RGS22: variants seen among roughly 807,000 people sequenced by gnomAD.
The protein encoded by RGS22 is regulator of G-protein signaling 22.
In RGS22, 148 loss-of-function variants were observed where a neutral mutation model predicts 172.9. The ratio of observed to expected loss-of-function variants is 0.86; its 90% CI spans 0.75 to 0.98. The LOEUF (loss-of-function observed/expected upper bound fraction) is 0.98. Among genes scored for constraint, RGS22 ranks in the 50% least tolerant of loss-of-function variants. RGS22 has a pLI of 0.00. For synonymous variants in RGS22, 458 were observed against 480.2 expected (o/e 0.95, Z 0.60); for missense variants, 1,347 against 1,440.8 (o/e 0.93, Z 1.05).
At chr8:100,096,113 C>T (rs528091345) in intron 2 of RGS22, among the ~76,000 whole-genome samples, 3 of 152,316 alleles carry the variant, frequency 2.0e-5, no homozygotes, top group Admixed American at 1.3e-4. Flanking sequence ...ACACCACAAA[C>T]CCTTTAATTA....
rs896968016 is a variant in RGS22 at position 100,053,325 on chromosome 8, G to T, written c.1515-349C>A. On this transcript the variant is annotated intron_variant, in intron 9 of 27. Transcript: ENST00000360863. ...TAACCCCAGCTACTCAGGGGGGTGA[G>T]GCAGGAGATTTGCTTGAACCCAGAA... 1.3e-5 allele frequency among the ~76,000 whole-genome samples: 2 copies of T among 152,020 alleles called. 1 individual carries two copies. The highest frequency in any genetic ancestry group is 2.9e-5 in the Non-Finnish European group (2 of 68,016).
At chr8:100,081,030 G>A (rs538058314) in intron 3 of RGS22, among the ~76,000 whole-genome samples, 3 of 152,020 alleles carry the variant, frequency 2.0e-5, no homozygotes, top group Non-Finnish European at 4.4e-5. Flanking sequence ...ACATTTTTGG[G>A]GCCTCCACTT....
chr8:100,066,128 A>G, intron 7 of RGS22, 39 bp downstream of exon 7: 1 of 1,587,920 alleles, frequency 6.3e-7, no homozygotes, highest in Non-Finnish European at 8.6e-7. Flanking sequence ...AAAAACTTAA[A>G]GAGAAGTTCT....
At position 99,961,147 on chromosome 8, in the gene RGS22, A is replaced by C; in HGVS notation, c.*95T>G. ...TTGCTCTGATACAGACCTTCAAAAAAACAAATCACTGGAGCTTCTCATGTC... is the reference window on the plus strand; with the variant it reads ...TTGCTCTGATACAGACCTTCAAAAACACAAATCACTGGAGCTTCTCATGTC... On this transcript the variant is annotated 3_prime_UTR_variant, in exon 28 of 28. Coordinates refer to ENST00000360863, the MANE Select transcript of RGS22 (RefSeq NM_015668.5). 1 of 450,652 alleles carries C rather than the reference A, an allele frequency of 2.2e-6. No individual in the cohort carries two copies. The highest frequency in any genetic ancestry group is 4.4e-6 in the Non-Finnish European group (1 of 225,094). The allele number at this position is 450,652 out of a possible 1,614,324, so 27.9% of individuals were successfully genotyped here.
intron 4 of RGS22, among the ~76,000 whole-genome samples, chr8:100,077,187 T>C (rs1811419102): frequency 6.6e-6 from 1 of 152,138 alleles, no homozygotes; most frequent in African/African-American, 2.4e-5. Flanking sequence ...TCAATTTCAT[T>C]GATTTTTTCA....
chr8:100,065,909 T>C (rs1810502861), intron 7 of RGS22, among the ~76,000 whole-genome samples: 1 of 152,164 alleles, frequency 6.6e-6, no homozygotes, highest in Admixed American at 6.5e-5. Flanking sequence ...ATCTTACAGA[T>C]GAGAAAAGGC....
intron 23 of RGS22, among the ~76,000 whole-genome samples, chr8:99,967,333 G>GC (rs1428027162): frequency 4.9e-5 from 7 of 142,976 alleles, no homozygotes; most frequent in Admixed American, 1.4e-4. Context: ...CCGGGAGTTT[G>GC]TTTTTTTTTT....
intron 14 of RGS22, among the ~76,000 whole-genome samples, chr8:100,034,750 A>G (rs1819251812): frequency 6.6e-6 from 1 of 152,356 alleles, no homozygotes; most frequent in East Asian, 1.9e-4. Flanking sequence ...TACTGGTACC[A>G]AAACAGATAT....
chr8:100,034,964 G>C (rs1334835442), intron 14 of RGS22, among the ~76,000 whole-genome samples: 2 of 151,998 alleles, frequency 1.3e-5, no homozygotes, highest in Non-Finnish European at 2.9e-5. Context: ...ATTCAAGATG[G>C]ATTAAAGACT....
intron 23 of RGS22, among the ~76,000 whole-genome samples, chr8:99,971,668 A>G (rs1297024288): frequency 6.6e-6 from 1 of 152,228 alleles, no homozygotes; most frequent in African/African-American, 2.4e-5. Flanking sequence ...ACAACTTACA[A>G]GGGACCTGAA....
intron 4 of RGS22, among the ~76,000 whole-genome samples, chr8:100,075,610 T>C (rs1741151764): frequency 6.6e-6 from 1 of 152,248 alleles, no homozygotes; most frequent in Admixed American, 6.5e-5. Context: ...TTTTCCAAAA[T>C]GGAATTCTCA....
intron 20 of RGS22, among the ~76,000 whole-genome samples, chr8:99,994,556 A>G (rs1292122880): frequency 6.6e-6 from 1 of 152,224 alleles, no homozygotes; most frequent in Admixed American, 6.5e-5. Flanking sequence ...CCAACTGACA[A>G]GGGATATGAA....
chr8:100,023,496 C>T (rs1293595678), intron 14 of RGS22, among the ~76,000 whole-genome samples: 2 of 152,194 alleles, frequency 1.3e-5, no homozygotes, highest in African/African-American at 4.8e-5. Context: ...TACACTGGTG[C>T]ACTCATAGCT....
intron 5 of RGS22, 115 bp from the exon 6 acceptor site, chr8:100,071,652 G>T: frequency 4.6e-6 from 3 of 651,374 alleles, no homozygotes; most frequent in South Asian, 3.2e-5. Context: ...TCTTGATGAT[G>T]ATTTTCTTTG....
chr8:100,103,162 G>A (rs573172264), intron 2 of RGS22, among the ~76,000 whole-genome samples: 1 of 152,286 alleles, frequency 6.6e-6, no homozygotes, highest in African/African-American at 2.4e-5. Context: ...AAAATCTAAA[G>A]GTAGACAGAG....
At chr8:100,022,074 G>A (rs938909482) in intron 14 of RGS22, among the ~76,000 whole-genome samples, 2 of 152,124 alleles carry the variant, frequency 1.3e-5, no homozygotes, top group African/African-American at 4.8e-5. Flanking sequence ...CATTACTGAG[G>A]AGCTATGCCG....
At chr8:100,092,290 TAACTTTATTTTCATAC>T (rs1349587472) in intron 3 of RGS22, among the ~76,000 whole-genome samples, 1 of 152,174 alleles carries the variant, frequency 6.6e-6, no homozygotes, top group East Asian at 1.9e-4. Flanking sequence ...CATTCCTTAT[TAACTTTATTTTCATAC>T]AACAAGATAG....
intron 14 of RGS22, among the ~76,000 whole-genome samples, chr8:100,033,448 C>A (rs1819073455): frequency 6.6e-6 from 1 of 151,972 alleles, no homozygotes; most frequent in Admixed American, 6.6e-5. Flanking sequence ...GACACATACA[C>A]CCTCCCAAGA....
intron 14 of RGS22, among the ~76,000 whole-genome samples, chr8:100,024,427 C>T (rs1176201845): frequency 6.6e-6 from 1 of 152,148 alleles, no homozygotes; most frequent in Non-Finnish European, 1.5e-5. Context: ...GTTTATAATA[C>T]GTTGCTACAA....
Sources: gnomAD v4.1 joint callset for allele counts (sites outside exome capture counted in the v4.1 genomes callset) on GRCh38, gnomAD v4.1.1 for gene constraint, MANE v1.5 for transcripts, NCBI Gene and HGNC (gene_info 2026-07-23, HGNC 2026-07-21) for gene names.